COL4A2: variants seen among roughly 807,000 people sequenced by gnomAD.
COL4A2 encodes the protein collagen alpha-2(IV) chain.
In COL4A2, 99 loss-of-function variants were observed where a neutral mutation model predicts 200.2. The observed-to-expected ratio is 0.49, with a 90% CI of 0.42 to 0.58. COL4A2 has a LOEUF of 0.58. COL4A2 is among the 20% of genes least tolerant of loss of function. The probability of loss-of-function intolerance (pLI) is 0.00; values close to 1 mark genes in which losing one functional copy is unlikely to be tolerated. For missense variants in COL4A2, 1,950 were observed against 2,314.1 expected, an observed-to-expected ratio of 0.84 and a Z score of 3.23; for synonymous variants, 897 against 900.6, an observed-to-expected ratio of 1.00 and a Z score of 0.07.
chr13:110,394,514 G>T (rs1017508402), intron 4 of COL4A2, among the ~76,000 whole-genome samples: 1 of 152,132 alleles, frequency 6.6e-6, no homozygotes, highest in African/African-American at 2.4e-5. Context: ...CCAAACATGC[G>T]TCCCAGACTG....
chr13:110,420,797 G>A (rs1880218890), intron 4 of COL4A2, among the ~76,000 whole-genome samples: 1 of 152,160 alleles, frequency 6.6e-6, no homozygotes, highest in Non-Finnish European at 1.5e-5. Context: ...GAAATCCTGG[G>A]GAGAAGCTCC....
chr13:110,471,580 A>G (rs1337961083), intron 28 of COL4A2, among the ~76,000 whole-genome samples: 3 of 152,228 alleles, frequency 2.0e-5, no homozygotes, highest in Non-Finnish European at 2.9e-5. Flanking sequence ...TAACATTGCC[A>G]GTGAAAGTCA....
rs769564649 is a variant in COL4A2 at position 110,503,144 on chromosome 13, C to T, written c.3901C>T (p.Pro1301Ser). The change falls in exon 42 of 48, where the codon CCA becomes TCA. Residue 1301 changes from proline to serine, a missense_variant. Physicochemically the swap from Pro to Ser is moderately conservative, Grantham distance 74 (BLOSUM62 -1). This residue lies in a region of COL4A2 where 1,385 missense variants were observed against 1,720.5 expected (regional missense o/e 0.80). Coordinates refer to ENST00000360467, the MANE Select transcript of COL4A2 (RefSeq NM_001846.4). ...AGGTTATCGGGGCCCACCAGGGCCA[C>T]CAGGTTCTGCTGCTCTTCCTGGAAG... is the stretch of plus-strand genomic sequence containing the variant. The part of the protein sequence containing the change: ...LKGYRGPPGP[P>S]GSAALPGSKG... 1.2e-6 allele frequency: 2 copies of T among 1,613,852 alleles called. No homozygotes were observed. The highest frequency in any genetic ancestry group is 4.5e-5 in the East Asian group (2 of 44,868).
intron 39 of COL4A2, 138 bp from the exon 40 acceptor site, chr13:110,495,204 A>T (rs1883416295): frequency 1.0e-6 from 1 of 963,274 alleles, no homozygotes; most frequent in Non-Finnish European, 1.7e-6. Context: ...GAGGCCATAT[A>T]TTGCAATGCA....
chr13:110,348,405 A>G (rs6492262), intron 3 of COL4A2, among the ~76,000 whole-genome samples: 139,675 of 152,286 alleles, frequency 0.92, 64,958 homozygotes, highest in Non-Finnish European at 0.99. Context: ...GCTGGGTGGT[A>G]CAACTGTGAC....
In COL4A2 at chr13:110,355,416, T is replaced by A. The variant is rs1366459221; in HGVS notation, c.100-2056T>A. Among the ~76,000 whole-genome samples, 49 of 71,400 alleles carry A rather than the reference T, an allele frequency of 6.9e-4. 2 individuals carry two copies. Among genetic ancestry groups the A allele is most frequent in the African/African-American group, 1.3e-3 (18 of 13,956 alleles). The allele number at this position is 71,400 out of a possible 152,430, so 46.8% of individuals were successfully genotyped here. On this transcript the variant is annotated intron_variant, in intron 3 of 47. Transcript: ENST00000360467. The stretch of plus-strand genomic sequence containing the variant: ...AGGGCTGCACTAGCTCACCTGTGTG[T>A]GTGGGGGAGGGCTGTACTAGCTCAC...
rs9515187 is a variant in COL4A2 at position 110,313,220 on chromosome 13, C to G, written c.99+5097C>G. On this transcript the variant is annotated intron_variant, in intron 3 of 47. Transcript: ENST00000360467. ...GATAGTCCCCTCTTGCTGTTTCCCT[C>G]TGGTGCCCACTCCCTTCAGTTAATG... 8.5e-3 allele frequency among the ~76,000 whole-genome samples: 1,294 copies of G among 152,204 alleles called. 21 individuals carry two copies. Among genetic ancestry groups the G allele is most frequent in the African/African-American group, 0.03 (1,239 of 41,540 alleles).
chr13:110,396,010 T>G (rs2097497541), intron 4 of COL4A2, among the ~76,000 whole-genome samples: 1 of 152,074 alleles, frequency 6.6e-6, no homozygotes, highest in South Asian at 2.1e-4. Flanking sequence ...AAGTAACGAG[T>G]CAAAAGAAAG....
intron 44 of COL4A2, 30 bp downstream of exon 44, chr13:110,504,023 C>G (rs1342158114): frequency 2.6e-6 from 4 of 1,561,528 alleles, no homozygotes; most frequent in Non-Finnish European, 3.5e-6. Flanking sequence ...CCTGGAGCCC[C>G]TCGGGGCTGC....
intron 4 of COL4A2, among the ~76,000 whole-genome samples, chr13:110,383,620 T>C (rs1372368946): frequency 5.9e-4 from 83 of 141,612 alleles, no homozygotes; most frequent in African/African-American, 2.0e-3. Flanking sequence ...TTTTTTTTTT[T>C]TTTTTTTTTT....
At chr13:110,444,342 G>A (rs2139474493) in intron 16 of COL4A2, among the ~76,000 whole-genome samples, 1 of 152,320 alleles carries the variant, frequency 6.6e-6, no homozygotes, top group Non-Finnish European at 1.5e-5. Context: ...CTCTGAGCTG[G>A]CCAGTCTGTG....
intron 4 of COL4A2, 152 bp downstream of exon 4, chr13:110,357,704 G>T (rs1227020756): frequency 8.4e-7 from 1 of 1,183,470 alleles, no homozygotes; most frequent in African/African-American, 1.5e-5. Context: ...AGATGGCCGG[G>T]CCTACTACAC....
intron 40 of COL4A2, among the ~76,000 whole-genome samples, chr13:110,495,693 G>A (rs1594108701): frequency 2.0e-5 from 3 of 152,296 alleles, no homozygotes; most frequent in South Asian, 2.1e-4. Flanking sequence ...CACCCATCCC[G>A]TGGAGTAACT....
At position 110,449,805 on chromosome 13, in the gene COL4A2, A is replaced by G. The variant is rs1310271933; in HGVS notation, c.1189+16A>G. ...GGAGATGGAGGTAATGTGGCTTCAT[A>G]ATATCAACACCGGAGACCCAAAGCA... On this transcript the variant is annotated intron_variant, in intron 19 of 47. Transcript: ENST00000360467. The G allele has an allele frequency of 1.9e-6, 3 of 1,545,428 alleles. No individual in the cohort carries two copies. Among genetic ancestry groups the G allele is most frequent in the Non-Finnish European group, 2.6e-6 (3 of 1,145,958 alleles).
At chr13:110,392,944 T>C (rs1488481479) in intron 4 of COL4A2, among the ~76,000 whole-genome samples, 1 of 152,236 alleles carries the variant, frequency 6.6e-6, no homozygotes, top group Non-Finnish European at 1.5e-5. Context: ...ATCCTCACCA[T>C]GTAGAGAATA....
Position 110,506,501 on chromosome 13 carries a change from C to T in COL4A2, c.4489C>T (p.Gln1497Ter), listed in dbSNP as rs1883886430. The T allele has an allele frequency of 6.2e-7, 1 of 1,612,938 alleles. No homozygotes were observed. Among genetic ancestry groups the T allele is most frequent in the South Asian group, 1.1e-5 (1 of 90,900 alleles). ...CGGCTACCTCCTGGTGAAGCACAGC[C>T]AGACGGACCAGGAGCCCATGTGCCC... ...SIGYLLVKHS[Q>*]TDQEPMCPVG... The change falls in exon 46 of 48, where the codon CAG becomes TAG. Residue 1497 changes from glutamine to a stop codon, truncating the protein, a stop_gained. Transcript: ENST00000360467. LOFTEE classifies it high-confidence loss of function.
intron 3 of COL4A2, among the ~76,000 whole-genome samples, chr13:110,332,310 G>A (rs549554886): frequency 8.3e-4 from 126 of 152,238 alleles, no homozygotes; most frequent in Non-Finnish European, 1.4e-3. Context: ...ATTTAAAACC[G>A]CGGGATCTCC....
intron 4 of COL4A2, among the ~76,000 whole-genome samples, chr13:110,419,067 C>T (rs561712561): frequency 2.0e-5 from 3 of 152,264 alleles, no homozygotes; most frequent in South Asian, 2.1e-4. Flanking sequence ...TTGGAATCCC[C>T]GGAGGATCAC....
chr13:110,349,175 G>A (rs1365163452), intron 3 of COL4A2, among the ~76,000 whole-genome samples: 2 of 152,178 alleles, frequency 1.3e-5, no homozygotes, highest in African/African-American at 4.8e-5. Flanking sequence ...AATTGTTTAT[G>A]TGTTTTGTTT....
Sources: allele counts gnomAD v4.1 joint callset (sites outside exome capture counted in the v4.1 genomes callset), GRCh38; gene constraint gnomAD v4.1.1; regional missense constraint gnomAD v4.1.1; transcripts MANE v1.5; gene names NCBI Gene and HGNC (gene_info 2026-07-23, HGNC 2026-07-21).